NBR1: variants seen among roughly 807,000 people sequenced by gnomAD.
NBR1 encodes the protein next to BRCA1 gene 1 protein.
NBR1 carries 59 observed loss-of-function variants against 115.5 expected under a neutral mutation model. That is an observed-to-expected ratio of 0.51 (90% CI 0.41 to 0.63). The LOEUF is 0.63. Ranked by LOEUF, NBR1 falls within the 30% of genes least tolerant of loss-of-function variation. The pLI, the probability that NBR1 is intolerant of heterozygous loss-of-function variation, is 0.00. For missense variants in NBR1, 1,043 were observed against 1,150.5 expected (o/e 0.91, Z 1.35); for synonymous variants, 373 against 414.7 (o/e 0.90, Z 1.22).
At chr17:43,176,044 A>G (rs2056508341) in intron 2 of NBR1, 143 bp downstream of exon 2, 1 of 558,134 alleles carries the variant, frequency 1.8e-6, no homozygotes, top group Non-Finnish European at 3.2e-6. Flanking sequence ...TGCTTTTGAT[A>G]GGGTTTCAGT....
In NBR1 at chr17:43,178,768, CT is replaced by C. The variant is rs770102583; in HGVS notation, c.166-607del. On this transcript the variant is annotated intron_variant, in intron 3 of 20. Transcript: ENST00000590996. ...TAATAATACAAATATAATGGCTAAG[CT>C]TTTTTTTTTTTTTTTTTTAAAGAGG... Among the ~76,000 whole-genome samples, 1,015 of 127,140 alleles carry C rather than the reference CT, an allele frequency of 8.0e-3. 1 individual carries two copies. Among genetic ancestry groups the C allele is most frequent in the East Asian group, 0.018 (81 of 4,410 alleles). The allele number at this position is 127,140 out of a possible 152,430, so 83.4% of individuals were successfully genotyped here. A position where few individuals can be genotyped will look rare whatever the true frequency, so the allele number is the denominator to read the frequency against.
chr17:43,177,857 C>T, intron 2 of NBR1, 79 bp from the exon 3 acceptor site: 3 of 1,227,122 alleles, frequency 2.4e-6, no homozygotes, highest in South Asian at 2.1e-5. Context: ...TGTTGTTTGT[C>T]TTTTGATTTT....
intron 16 of NBR1, among the ~76,000 whole-genome samples, chr17:43,197,906 C>A (rs1047947746): frequency 3.9e-5 from 6 of 152,144 alleles, no homozygotes; most frequent in Admixed American, 1.3e-4. Flanking sequence ...AATCCTAGCA[C>A]TTTATGAGGC....
chr17:43,206,727 A>C (rs539369334), intron 20 of NBR1, among the ~76,000 whole-genome samples: 2 of 151,964 alleles, frequency 1.3e-5, no homozygotes, highest in South Asian at 4.2e-4. Flanking sequence ...GATAATTAAG[A>C]GATGGAAATG....
chr17:43,174,081 T>A, intron 1 of NBR1, among the ~76,000 whole-genome samples: 1 of 152,152 alleles, frequency 6.6e-6, no homozygotes, highest in Non-Finnish European at 1.5e-5. Flanking sequence ...AGACTGTTTT[T>A]AAAAAATTCT....
At chr17:43,176,579 C>T (rs2056522648) in intron 2 of NBR1, 1 of 151,592 alleles carries the variant, frequency 6.6e-6, no homozygotes, top group Admixed American at 6.6e-5. Flanking sequence ...AATGGTAGAT[C>T]TTAAAAGATG....
At chr17:43,206,383 C>T (rs944441864) in intron 20 of NBR1, among the ~76,000 whole-genome samples, 22 of 150,368 alleles carry the variant, frequency 1.5e-4, no homozygotes, top group Non-Finnish European at 3.1e-4. Flanking sequence ...TCCAGTTGGG[C>T]GTGGTGGCTC....
chr17:43,178,100 G>T, intron 3 of NBR1, 102 bp downstream of exon 3: 3 of 1,365,838 alleles, frequency 2.2e-6, no homozygotes, highest in Non-Finnish European at 3.0e-6. Flanking sequence ...TAGCTTATTT[G>T]TGTGGTGGTT....
Position 43,193,115 on chromosome 17 carries a change from C to T in NBR1, c.1095C>T (p.Thr365=). ...TCAGGCTCCCTTTGCAGCCCTGTACCTCCGTTATGCCAATGCTCAGTGCAG... is the reference window on the plus strand; with the variant it reads ...TCAGGCTCCCTTTGCAGCCCTGTACTTCCGTTATGCCAATGCTCAGTGCAG... ...NTLMLPLQPC[T]SVMPMLSAAF... The change falls in exon 11 of 21, where the codon ACC becomes ACT. Residue 365 remains threonine, a synonymous_variant. Transcript: ENST00000590996. 6.2e-7 allele frequency: 1 copy of T among 1,613,916 alleles called. No individual in the cohort carries two copies. The highest frequency in any genetic ancestry group is 2.2e-5 in the East Asian group (1 of 44,880).
intron 13 of NBR1, 40 bp from the exon 14 acceptor site, chr17:43,194,924 G>C (rs2057032159): frequency 6.6e-7 from 1 of 1,519,846 alleles, no homozygotes; most frequent in Admixed American, 1.7e-5. Context: ...CATGGCTCCA[G>C]CATGCACTCC....
intron 18 of NBR1, 68 bp downstream of exon 18, chr17:43,201,848 CCT>C (rs2057206861): frequency 2.2e-6 from 2 of 895,358 alleles, no homozygotes; most frequent in Non-Finnish European, 3.6e-6. Context: ...GTATAAATAG[CCT>C]CTCTCTCTTC....
Position 43,196,591 on chromosome 17 carries a change from G to A in NBR1, c.1861G>A (p.Asp621Asn). The A allele has an allele frequency of 1.3e-6, 2 of 1,580,558 alleles. No individual in the cohort carries two copies. The highest frequency in any genetic ancestry group is 2.3e-5 in the East Asian group (1 of 44,310). The change falls in exon 15 of 21, where the codon GAT (aspartate) becomes AAT (asparagine). Residue 621 changes from aspartate (D) to asparagine (N), a missense_variant and splice_region_variant. Coordinates refer to ENST00000590996, the MANE Select transcript of NBR1 (RefSeq NM_005899.5). ...NEGAGFKALP[D>N]SMVSVKRKAE... ...AGGGGCAGGATTTAAAGCACTTCCT[G>A]GTAAGGGATTAAACATTTGTAAAGT...
chr17:43,209,569 T>G (rs1434137432), intron 20 of NBR1: 2 of 1,535,032 alleles, frequency 1.3e-6, no homozygotes, highest in African/African-American at 2.7e-5. Flanking sequence ...TCTCTGGGGC[T>G]TGCTGTCATT....
chr17:43,207,808 T>G (rs953867943), intron 20 of NBR1, among the ~76,000 whole-genome samples: 4 of 152,174 alleles, frequency 2.6e-5, no homozygotes, highest in African/African-American at 9.7e-5. Flanking sequence ...AGTCCTTTGG[T>G]GACTGATCCA....
intron 20 of NBR1, among the ~76,000 whole-genome samples, chr17:43,209,201 C>G (rs551823429): frequency 1.3e-5 from 2 of 151,902 alleles, no homozygotes; most frequent in Non-Finnish European, 2.9e-5. Flanking sequence ...CTCAGCCTCC[C>G]GAGTAGCTGG....
chr17:43,192,969 T>G (rs752221999), intron 10 of NBR1, 125 bp from the exon 11 acceptor site: 491 of 878,020 alleles, frequency 5.6e-4, no homozygotes, highest in Middle Eastern at 3.6e-4. Context: ...AATATCAGTA[T>G]TATTTTTAAG....
At chr17:43,177,843 T>G in intron 2 of NBR1, 93 bp from the exon 3 acceptor site, 8 of 1,127,476 alleles carry the variant, frequency 7.1e-6, no homozygotes, top group East Asian at 2.9e-5. Flanking sequence ...TTATTAAGGT[T>G]GTTTGTTGTT....
chr17:43,207,108 C>T (rs2057333005), intron 20 of NBR1, among the ~76,000 whole-genome samples: 1 of 152,068 alleles, frequency 6.6e-6, no homozygotes, highest in Non-Finnish European at 1.5e-5. Flanking sequence ...AAGTTTCTGG[C>T]TTAGTACCAT....
intron 16 of NBR1, 60 bp from the exon 17 acceptor site, chr17:43,200,107 G>A (rs984712345): frequency 6.0e-6 from 8 of 1,334,292 alleles, no homozygotes; most frequent in Admixed American, 2.2e-5. Context: ...TACCAAGTAA[G>A]GATAGTACTT....
Sources: allele counts gnomAD v4.1 joint callset (sites outside exome capture counted in the v4.1 genomes callset), GRCh38; gene constraint gnomAD v4.1.1; transcripts MANE v1.5; gene names NCBI Gene and HGNC (gene_info 2026-07-23, HGNC 2026-07-21).